DUSP22: variants seen among roughly 807,000 people sequenced by gnomAD.
DUSP22 encodes dual specificity protein phosphatase 22.
A neutral mutation model predicts 24.5 loss-of-function variants in DUSP22; 24 were observed. The ratio of observed to expected loss-of-function variants is 0.98; its 90% confidence interval spans 0.71 to 1.38. The LOEUF is 1.38. Among genes scored for constraint, DUSP22 ranks in the 40% most tolerant of loss-of-function variants. DUSP22 has a pLI of 0.00. For synonymous variants in DUSP22, 160 were observed against 106.4 expected (o/e 1.50, Z -3.10); for missense variants, 330 against 269.2 (o/e 1.23, Z -1.58).
At chr6:308,410 C>T (rs1029253756) in intron 2 of DUSP22, among the ~76,000 whole-genome samples, 2 of 152,292 alleles carry the variant, frequency 1.3e-5, no homozygotes, top group Non-Finnish European at 2.9e-5. Flanking sequence ...GGGTCATCAC[C>T]CAGCAGGTTT....
intron 3 of DUSP22, among the ~76,000 whole-genome samples, chr6:332,172 A>G (rs1354485239): frequency 6.6e-6 from 1 of 152,294 alleles, no homozygotes; most frequent in Admixed American, 6.5e-5. Context: ...GAAGCTTGTT[A>G]TCATTGCTGT....
chr6:302,363 C>G (rs1757620613), intron 1 of DUSP22, among the ~76,000 whole-genome samples: 1 of 152,306 alleles, frequency 6.6e-6, no homozygotes, highest in Non-Finnish European at 1.5e-5. Context: ...CAGCTCCTTG[C>G]ACTAACGCCC....
At chr6:322,604 C>G (rs1758648894) in intron 3 of DUSP22, among the ~76,000 whole-genome samples, 2 of 152,296 alleles carry the variant, frequency 1.3e-5, no homozygotes, top group South Asian at 2.1e-4. Context: ...AGAGGAGATG[C>G]AATTCTGTAA....
At chr6:312,480 G>T (rs1293060343) in intron 3 of DUSP22, among the ~76,000 whole-genome samples, 1 of 152,294 alleles carries the variant, frequency 6.6e-6, no homozygotes, top group Non-Finnish European at 1.5e-5. Context: ...GGGGTAAACA[G>T]GGTGTGTCTG....
At chr6:305,302 C>A (rs1305011219) in intron 2 of DUSP22, among the ~76,000 whole-genome samples, 1 of 152,310 alleles carries the variant, frequency 6.6e-6, no homozygotes, top group African/African-American at 2.4e-5. Flanking sequence ...GCTGTGCCCG[C>A]TCCAGCTCTG....
chr6:334,095 T>G (rs1238310752), intron 3 of DUSP22, among the ~76,000 whole-genome samples: 1 of 152,306 alleles, frequency 6.6e-6, no homozygotes, highest in Non-Finnish European at 1.5e-5. Flanking sequence ...GAAGATGCGT[T>G]GCGTTGTAAC....
Position 350,328 on chromosome 6 carries a change from T to C in DUSP22, c.*1377T>C. Reference sequence around the variant, plus strand: ...TGGGGCTGCAGGCATCCTGGGACGCTGTACGCAATTCAGTGGTCTAGTCCT... The same window carrying C: ...TGGGGCTGCAGGCATCCTGGGACGCCGTACGCAATTCAGTGGTCTAGTCCT... On this transcript the variant is annotated 3_prime_UTR_variant, in exon 7 of 7. Transcript: ENST00000419235. 1 of 1,007,842 alleles carries C rather than the reference T, an allele frequency of 9.9e-7. No individual in the cohort carries two copies. The highest frequency in any genetic ancestry group is 1.2e-6 in the Non-Finnish European group (1 of 844,084). 62.4% of individuals were successfully genotyped at this position (1,007,842 alleles called of 1,614,324 possible).
intron 3 of DUSP22, among the ~76,000 whole-genome samples, chr6:330,369 T>G (rs376359067): frequency 7.5e-4 from 114 of 152,386 alleles, no homozygotes; most frequent in African/African-American, 2.6e-3. Context: ...AGACATGGCT[T>G]CTGAAGGGTT....
chr6:308,325 T>A (rs1757917196), intron 2 of DUSP22, among the ~76,000 whole-genome samples: 1 of 152,300 alleles, frequency 6.6e-6, no homozygotes, highest in Admixed American at 6.5e-5. Flanking sequence ...CCCAGCTCAT[T>A]ACCTCGCTGC....
intron 3 of DUSP22, among the ~76,000 whole-genome samples, chr6:324,200 ACT>A (rs1157097845): frequency 6.6e-6 from 1 of 152,272 alleles, no homozygotes; most frequent in Non-Finnish European, 1.5e-5. Context: ...TGGCCGGAGC[ACT>A]CTCTTCCCCT....
intron 2 of DUSP22, among the ~76,000 whole-genome samples, chr6:306,345 G>T (rs1214657658): frequency 6.6e-6 from 1 of 152,416 alleles, no homozygotes; most frequent in African/African-American, 2.4e-5. Context: ...AATCATGAAA[G>T]GTTACTTTTT....
chr6:328,486 G>T (rs1428591268), intron 3 of DUSP22, among the ~76,000 whole-genome samples: 1 of 152,306 alleles, frequency 6.6e-6, no homozygotes, highest in Non-Finnish European at 1.5e-5. Context: ...TGACTAACCT[G>T]AAAGAAGTCA....
In DUSP22 at chr6:349,731, A is replaced by G. The variant is rs1306184912; in HGVS notation, c.*780A>G. On this transcript the variant is annotated 3_prime_UTR_variant, in exon 7 of 7. Coordinates refer to ENST00000419235, the MANE Select transcript of DUSP22 (RefSeq NM_001286555.3). ...GCCTCCATCTCAATGTGAATGCACC[A>G]GGCTGAGGGTTCCCTAGCGCCTTGA... 7 of 985,980 alleles carry G rather than the reference A, an allele frequency of 7.1e-6. No homozygotes were observed. The highest frequency in any genetic ancestry group is 8.4e-6 in the Non-Finnish European group (7 of 830,374). The allele number at this position is 985,980 out of a possible 1,614,324, so 61.1% of individuals were successfully genotyped here.
At chr6:343,507 G>T (rs1190631790) in intron 4 of DUSP22, among the ~76,000 whole-genome samples, 1 of 152,290 alleles carries the variant, frequency 6.6e-6, no homozygotes, top group Non-Finnish European at 1.5e-5. Context: ...ACTCTGGTCT[G>T]TTCTTATTTA....
chr6:332,537 A>G (rs1211849918), intron 3 of DUSP22, among the ~76,000 whole-genome samples: 2 of 152,290 alleles, frequency 1.3e-5, no homozygotes, highest in Non-Finnish European at 2.9e-5. Context: ...ACAACCACAC[A>G]TGGAGACTGC....
intron 1 of DUSP22, among the ~76,000 whole-genome samples, chr6:294,089 T>C (rs191714887): frequency 1.3e-4 from 20 of 152,420 alleles, no homozygotes; most frequent in African/African-American, 4.8e-4. Context: ...ATTTGTGTAA[T>C]ACAATTCAAA....
At chr6:312,390 G>T (rs1197360613) in intron 3 of DUSP22, among the ~76,000 whole-genome samples, 3 of 152,264 alleles carry the variant, frequency 2.0e-5, no homozygotes, top group African/African-American at 7.2e-5. Context: ...GAAAACAGAA[G>T]GTGAATCGTC....
At chr6:314,645 C>T (rs1220426376) in intron 3 of DUSP22, among the ~76,000 whole-genome samples, 1 of 152,302 alleles carries the variant, frequency 6.6e-6, no homozygotes, top group Non-Finnish European at 1.5e-5. Flanking sequence ...GGAAGGTTCA[C>T]AGTTGTGTTG....
At chr6:335,089 GT>G (rs1561673688) in intron 3 of DUSP22, 24 bp from the exon 4 acceptor site, 2 of 1,608,972 alleles carry the variant, frequency 1.2e-6, no homozygotes, top group Admixed American at 3.3e-5. Flanking sequence ...TTATTTTTAT[GT>G]ATTTACTTTT....
Sources: allele counts gnomAD v4.1 joint callset (sites outside exome capture counted in the v4.1 genomes callset), GRCh38; gene constraint gnomAD v4.1.1; transcripts MANE v1.5; gene names NCBI Gene and HGNC (gene_info 2026-07-23, HGNC 2026-07-21).